CFAP44: variants seen among roughly 807,000 people sequenced by gnomAD.
CFAP44 encodes cilia- and flagella-associated protein 44.
In CFAP44, 134 loss-of-function variants were observed where a neutral mutation model predicts 216.2. That is an observed-to-expected ratio of 0.62 (90% confidence interval 0.54 to 0.72). The LOEUF (loss-of-function observed/expected upper bound fraction) is 0.72. CFAP44 is among the 30% of genes least tolerant of loss of function. The pLI is 0.00. For missense variants in CFAP44, 2,035 were observed against 2,182.1 expected (o/e 0.93, Z 1.34); for synonymous variants, 700 against 727.6 (o/e 0.96, Z 0.61).
At chr3:113,370,037 T>C (rs1006870238) in intron 18 of CFAP44, among the ~76,000 whole-genome samples, 2 of 152,078 alleles carry the variant, frequency 1.3e-5, no homozygotes, top group Admixed American at 6.5e-5. Flanking sequence ...CAGGAAGAAG[T>C]TGAATCTCTG....
chr3:113,294,572 T>C, intron 34 of CFAP44, 115 bp downstream of exon 34: 1 of 1,329,942 alleles, frequency 7.5e-7, no homozygotes, highest in Non-Finnish European at 9.9e-7. Flanking sequence ...GGTCTGGAAG[T>C]GGTCCAAGAT....
At chr3:113,340,646 G>A (rs1194363617) in intron 24 of CFAP44, among the ~76,000 whole-genome samples, 1 of 152,168 alleles carries the variant, frequency 6.6e-6, no homozygotes, top group South Asian at 2.1e-4. Flanking sequence ...GTGGGGCTCC[G>A]ACCCCATGGC....
At chr3:113,310,381 C>CAT (rs1489716798) in intron 28 of CFAP44, among the ~76,000 whole-genome samples, 1 of 152,212 alleles carries the variant, frequency 6.6e-6, no homozygotes, top group Non-Finnish European at 1.5e-5. Flanking sequence ...CACACCCATA[C>CAT]ATAGCAGTAT....
intron 25 of CFAP44, among the ~76,000 whole-genome samples, chr3:113,331,506 T>C (rs141157891): frequency 4.9e-4 from 74 of 152,216 alleles, no homozygotes; most frequent in African/African-American, 1.6e-3. Context: ...AAAAGCTACA[T>C]ATATATTTAC....
At chr3:113,299,730 A>T (rs77926797) in intron 32 of CFAP44, among the ~76,000 whole-genome samples, 1,630 of 152,344 alleles carry the variant, frequency 0.011, 19 homozygotes, top group Non-Finnish European at 0.018. Context: ...CTATTCAGCC[A>T]TTAAAAAATA....
chr3:113,385,681 C>T (rs941364191), intron 15 of CFAP44, among the ~76,000 whole-genome samples: 2 of 152,050 alleles, frequency 1.3e-5, no homozygotes, highest in African/African-American at 2.4e-5. Context: ...TTACTCTCAC[C>T]CAGGCTGGAG....
Position 113,416,524 on chromosome 3 carries a change from C to T in CFAP44, c.673+1G>A. 6.3e-7 allele frequency: 1 copy of T among 1,597,956 alleles called. No homozygotes were observed. The highest frequency in any genetic ancestry group is 1.1e-5 in the South Asian group (1 of 89,758). ...ATATTTAAATATGCTTCTGGACTCA[C>T]CTCGAAGGACTCTGTATGGTCTCAG... On this transcript the variant is annotated splice_donor_variant, in intron 6 of 34. Transcript: ENST00000393845. LOFTEE classifies it high-confidence loss of function.
intron 4 of CFAP44, among the ~76,000 whole-genome samples, chr3:113,422,988 C>G (rs1273329805): frequency 6.6e-6 from 1 of 152,108 alleles, no homozygotes; most frequent in African/African-American, 2.4e-5. Flanking sequence ...GACTGCTTCT[C>G]TCCATCTCTA....
At chr3:113,365,976 AT>A in intron 19 of CFAP44, 62 bp downstream of exon 19, 1 of 1,506,238 alleles carries the variant, frequency 6.6e-7, no homozygotes. Context: ...AATATGAACA[AT>A]TTTAATATCA....
chr3:113,410,269 A>G (rs1934422629), intron 6 of CFAP44, among the ~76,000 whole-genome samples: 1 of 152,112 alleles, frequency 6.6e-6, no homozygotes, highest in Non-Finnish European at 1.5e-5. Flanking sequence ...CATTTACATT[A>G]GGTATATCTC....
At chr3:113,299,533 A>G (rs115170508) in intron 32 of CFAP44, among the ~76,000 whole-genome samples, 4,377 of 152,312 alleles carry the variant, frequency 0.029, 108 homozygotes, top group East Asian at 0.099. Flanking sequence ...AAACAGAGCT[A>G]TCATATGATC....
At chr3:113,432,716 T>C (rs1002368656) in intron 2 of CFAP44, among the ~76,000 whole-genome samples, 1 of 152,238 alleles carries the variant, frequency 6.6e-6, no homozygotes, top group African/African-American at 2.4e-5. Context: ...GTATACTGCC[T>C]TAATAACACT....
rs1370032375 is a variant in CFAP44, at chr3:113,420,113, T to C, written c.474A>G (p.Ile158Met). 1 of 1,614,020 alleles carries C rather than the reference T, an allele frequency of 6.2e-7. No individual in the cohort carries two copies. The highest frequency in any genetic ancestry group is 8.5e-7 in the Non-Finnish European group (1 of 1,179,950). Residue 158 changes from isoleucine (I) to methionine (M), a missense_variant, in exon 5 of 35, where the codon ATA (isoleucine) becomes ATG (methionine). This residue lies in a region of CFAP44 where 1,883 missense variants were observed against 2,023.7 expected (regional missense o/e 0.93). Transcript: ENST00000393845. ...NLQLLDDSIA[I>M]YIAGNQLIFL... ...AGATCAGTTGGTTCCCAGCTATGTATATGGCGATACTGTCGTCCAGAAGTT... is the reference window on the plus strand; with the variant it reads ...AGATCAGTTGGTTCCCAGCTATGTACATGGCGATACTGTCGTCCAGAAGTT...
chr3:113,336,104 A>G (rs1461778253), intron 24 of CFAP44, among the ~76,000 whole-genome samples: 1 of 152,190 alleles, frequency 6.6e-6, no homozygotes, highest in African/African-American at 2.4e-5. Flanking sequence ...TGTTTATATT[A>G]CAAAAGAAGA....
chr3:113,430,476 T>A (rs1445264975), intron 2 of CFAP44, among the ~76,000 whole-genome samples: 9 of 145,976 alleles, frequency 6.2e-5, no homozygotes, highest in Non-Finnish European at 1.2e-4. Flanking sequence ...AAAATCAGTC[T>A]TTGAAAAGAT....
Position 113,396,844 on chromosome 3 carries a change from C to T in CFAP44, c.1570-117G>A, listed in dbSNP as rs1934005878. On this transcript the variant is annotated intron_variant, in intron 13 of 34. Transcript: ENST00000393845. ...TAATATTGGCTGCCCATTGGCAATT[C>T]TTTATATCACTTTCTGGTAACCTCT... is the stretch of plus-strand genomic sequence containing the variant. The T allele has an allele frequency of 1.0e-5, 10 of 962,940 alleles. No homozygotes were observed. The South Asian group carries it at 1.4e-4, about 13-fold the overall frequency. 59.6% of individuals were successfully genotyped at this position (962,940 alleles called of 1,614,324 possible). A position where few individuals can be genotyped will look rare whatever the true frequency, so the allele number is the denominator to read the frequency against.
rs1232754120 is a variant in CFAP44 at position 113,291,761 on chromosome 3, A to G, written c.5374-13T>C. ...GGAAGGCATTGCCCTGTTGAAAGAA[A>G]ACAGCTCCCTGTTGAAGCATCATTT... On this transcript the variant is annotated splice_polypyrimidine_tract_variant and intron_variant, in intron 34 of 34. Coordinates refer to ENST00000393845, the MANE Select transcript of CFAP44 (RefSeq NM_001164496.2). 1.3e-6 allele frequency: 2 copies of G among 1,534,804 alleles called. No homozygotes were observed. Among genetic ancestry groups the G allele is most frequent in the Non-Finnish European group, 1.7e-6 (2 of 1,146,490 alleles).
rs79464994 is a variant in CFAP44, at chr3:113,418,664, T to A, written c.570+1353A>T. Reference sequence around the variant, plus strand: ...CTTGTGGACATAAAACTGCTCAACATCCAGGTGGATGAGAGTTAGGATTAG... The same window carrying A: ...CTTGTGGACATAAAACTGCTCAACAACCAGGTGGATGAGAGTTAGGATTAG... On this transcript the variant is annotated intron_variant, in intron 5 of 34. Coordinates refer to ENST00000393845, the MANE Select transcript of CFAP44 (RefSeq NM_001164496.2). Among the ~76,000 whole-genome samples, 40 of 152,082 alleles carry A rather than the reference T, an allele frequency of 2.6e-4. No homozygotes were observed. In the East Asian group the frequency reaches 6.8e-3, roughly 26 times the overall value.
chr3:113,401,497 T>A, intron 10 of CFAP44, 87 bp downstream of exon 10: 1 of 1,490,972 alleles, frequency 6.7e-7, no homozygotes, highest in African/African-American at 1.4e-5. Context: ...TACAGTCAAA[T>A]GGACTTGTAG....
Sources: allele counts gnomAD v4.1 joint callset (sites outside exome capture counted in the v4.1 genomes callset), GRCh38; gene constraint gnomAD v4.1.1; regional missense constraint gnomAD v4.1.1; transcripts MANE v1.5; gene names NCBI Gene and HGNC (gene_info 2026-07-23, HGNC 2026-07-21).